The following PCDH15 variants were observed in gnomAD, a reference collection of about 807,000 sequenced individuals.
PCDH15 encodes the protein protocadherin related 15.
In PCDH15, 129 loss-of-function variants were observed where a neutral mutation model predicts 178.5. The ratio of observed to expected loss-of-function variants is 0.72; its 90% confidence interval spans 0.63 to 0.84. The LOEUF is 0.84. Among genes scored for constraint, PCDH15 ranks in the 40% least tolerant of loss-of-function variants. The probability of loss-of-function intolerance (pLI) is 0.00; values close to 1 mark genes in which losing one functional copy is unlikely to be tolerated. For synonymous variants in PCDH15, 800 were observed against 732.0 expected, an observed-to-expected ratio of 1.09 and a Z score of -1.50; for missense variants, 2,230 against 2,099.9, an observed-to-expected ratio of 1.06 and a Z score of -1.21.
At chr10:54,539,521 A>C (rs1201268154) in intron 2 of PCDH15, among the ~76,000 whole-genome samples, 1 of 152,200 alleles carries the variant, frequency 6.6e-6, no homozygotes, top group African/African-American at 2.4e-5. Context: ...CATAGCACAC[A>C]ATGATAGTGG....
intron 10 of PCDH15, among the ~76,000 whole-genome samples, chr10:54,207,443 G>T (rs2050932949): frequency 6.6e-6 from 1 of 151,678 alleles, no homozygotes; most frequent in Non-Finnish European, 1.5e-5. Context: ...AGTAATGGTA[G>T]TGTTGCTCTT....
At chr10:54,227,474 C>A (rs1044033418) in intron 9 of PCDH15, among the ~76,000 whole-genome samples, 2 of 152,166 alleles carry the variant, frequency 1.3e-5, no homozygotes, top group African/African-American at 4.8e-5. Flanking sequence ...ATCCTGGGCC[C>A]AGCCCACAGA....
In PCDH15 at chr10:53,822,993, A is replaced by G. The variant is rs139915181; in HGVS notation, c.4368-2763T>C. ...CCTCATCAGCCTCCTGGGTAAGCTGACTGACTGACTCCACAGCCTCTGAAT... is the reference window on the plus strand; with the variant it reads ...CCTCATCAGCCTCCTGGGTAAGCTGGCTGACTGACTCCACAGCCTCTGAAT... On this transcript the variant is annotated intron_variant, in intron 32 of 37. Coordinates refer to ENST00000644397, the MANE Select transcript of PCDH15 (RefSeq NM_001384140.1). The G allele has an allele frequency of 2.7e-4, 442 of 1,613,942 alleles. 3 individuals carry two copies. The African/African-American group carries it at 5.5e-3, about 20-fold the overall frequency.
rs1213808096 is a variant in PCDH15, at chr10:54,655,304, C to CAGAGAGAGAG, written c.91+8858_91+8867dup. Among the ~76,000 whole-genome samples the CAGAGAGAGAG allele has an allele frequency of 3.7e-5, 3 of 80,694 alleles. No individual in the cohort carries two copies. The Admixed American group carries it at 4.0e-4, about 11-fold the overall frequency. 52.9% of individuals were successfully genotyped at this position (80,694 alleles called of 152,430 possible). A position where few individuals can be genotyped will look rare whatever the true frequency, so the allele number is the denominator to read the frequency against. ...AGAGAGAGAGAGAGAGAGAGAGAGA[C>CAGAGAGAGAG]AGAGAGAGAGACAGAGAAAGAGAGA... On this transcript the variant is annotated intron_variant, in intron 2 of 37. Transcript: ENST00000644397.
At chr10:55,055,489 C>T (rs920172849) in intron 2 of PCDH15, among the ~76,000 whole-genome samples, 2 of 152,064 alleles carry the variant, frequency 1.3e-5, no homozygotes, top group Admixed American at 6.6e-5. Context: ...TTTGAAACAA[C>T]ATAATACTCT....
At chr10:54,605,922 A>C (rs2134159452) in intron 2 of PCDH15, 1 of 152,232 alleles carries the variant, frequency 6.6e-6, no homozygotes, top group Non-Finnish European at 1.5e-5. Flanking sequence ...ATATGTAGAT[A>C]AATTCCTTCC....
At chr10:55,397,269 A>G (rs1454046722) in intron 2 of PCDH15, among the ~76,000 whole-genome samples, 1 of 152,172 alleles carries the variant, frequency 6.6e-6, no homozygotes. Flanking sequence ...CTACATTGAG[A>G]GTTGTCATCA....
intron 2 of PCDH15, among the ~76,000 whole-genome samples, chr10:55,140,634 A>C (rs1838325341): frequency 6.6e-6 from 1 of 151,984 alleles, no homozygotes; most frequent in South Asian, 2.1e-4. Flanking sequence ...TTATTCATTA[A>C]ATGAAATTGT....
At chr10:54,085,069 T>C (rs1358262990) in intron 16 of PCDH15, among the ~76,000 whole-genome samples, 2 of 152,086 alleles carry the variant, frequency 1.3e-5, no homozygotes, top group Non-Finnish European at 2.9e-5. Flanking sequence ...TGAACTAAGG[T>C]AGTAGAGTGA....
At chr10:54,690,310 C>CTTTT (rs71014404) in intron 1 of PCDH15, among the ~76,000 whole-genome samples, 2 of 126,130 alleles carry the variant, frequency 1.6e-5, no homozygotes, top group African/African-American at 6.0e-5. Flanking sequence ...ACAAGACTAC[C>CTTTT]TTTTTTTTTT....
chr10:54,250,471 G>C (rs950720819), intron 8 of PCDH15, among the ~76,000 whole-genome samples: 2 of 151,098 alleles, frequency 1.3e-5, no homozygotes, highest in African/African-American at 4.9e-5. Flanking sequence ...TTTTAGTAGA[G>C]ACAGGGTTTC....
rs572626715 is a variant in PCDH15, at chr10:54,845,876, G to A, written c.-29+51574C>T. 1.6e-4 allele frequency among the ~76,000 whole-genome samples: 25 copies of A among 152,104 alleles called. 1 individual carries two copies. In the South Asian group the frequency reaches 5.0e-3, roughly 30 times the overall value. On this transcript the variant is annotated intron_variant, in intron 3 of 5. Coordinates refer to the PCDH15 transcript ENST00000458638. ...GAAATAATTAACTTCCTAAATACTA[G>A]ATTGTCACCACATCCAATGCCTATG...
intron 2 of PCDH15, among the ~76,000 whole-genome samples, chr10:54,633,493 C>T (rs984082576): frequency 2.0e-5 from 3 of 151,970 alleles, no homozygotes; most frequent in Admixed American, 6.6e-5. Flanking sequence ...TTGCTTTACC[C>T]GTTATTCAGG....
chr10:54,298,461 G>A (rs1416742863), intron 8 of PCDH15, among the ~76,000 whole-genome samples: 1 of 152,222 alleles, frequency 6.6e-6, no homozygotes, highest in Non-Finnish European at 1.5e-5. Context: ...AGAGAGGACA[G>A]AAAATGGAGC....
chr10:55,602,652 C>T lies in PCDH15; in HGVS notation c.-156+24973G>A, dbSNP rs550065445. Among the ~76,000 whole-genome samples, 597 of 151,962 alleles carry T rather than the reference C, an allele frequency of 3.9e-3. 3 individuals carry two copies. Among genetic ancestry groups the T allele is most frequent in the African/African-American group, 0.013 (557 of 41,326 alleles). On this transcript the variant is annotated intron_variant, in intron 2 of 5. Transcript: ENST00000613346. ...CACTGACACCTCACACAGCAGGGTA[C>T]TCCAACAGACCTGCAGCTGAGGGTC... is the stretch of plus-strand genomic sequence containing the variant.
At chr10:55,032,776 A>G (rs1265331441) in intron 2 of PCDH15, among the ~76,000 whole-genome samples, 2 of 152,164 alleles carry the variant, frequency 1.3e-5, no homozygotes, top group Non-Finnish European at 2.9e-5. Flanking sequence ...GGGTTTTTAA[A>G]TGCTGTCATG....
chr10:54,880,286 T>G (rs534187897), intron 3 of PCDH15, among the ~76,000 whole-genome samples: 7 of 152,152 alleles, frequency 4.6e-5, no homozygotes, highest in Non-Finnish European at 1.0e-4. Context: ...ACAGCCCTTA[T>G]GGCTCTAACA....
intron 8 of PCDH15, among the ~76,000 whole-genome samples, chr10:54,290,747 T>G (rs1403555198): frequency 1.3e-5 from 2 of 152,196 alleles, no homozygotes; most frequent in South Asian, 4.1e-4. Context: ...GTTGCAATCT[T>G]AGTCTCTGAT....
chr10:54,599,321 A>G (rs2092411920), intron 2 of PCDH15, among the ~76,000 whole-genome samples: 1 of 151,954 alleles, frequency 6.6e-6, no homozygotes, highest in Non-Finnish European at 1.5e-5. Context: ...ATAGACCAAA[A>G]AAACAAAACA....
Sources: gnomAD v4.1 joint callset for allele counts (sites outside exome capture counted in the v4.1 genomes callset) on GRCh38, gnomAD v4.1.1 for gene constraint, MANE v1.5 for transcripts, NCBI Gene and HGNC (gene_info 2026-07-23, HGNC 2026-07-21) for gene names.